The following GABBR2 variants were observed in gnomAD, a reference collection of about 807,000 sequenced individuals.
GABBR2 encodes gamma-aminobutyric acid type B receptor subunit 2.
In GABBR2, 23 loss-of-function variants were observed where a neutral mutation model predicts 105.6. The ratio of observed to expected loss-of-function variants is 0.22; its 90% CI spans 0.16 to 0.31. The LOEUF (loss-of-function observed/expected upper bound fraction) is 0.31. Among genes scored for constraint, GABBR2 ranks in the 10% least tolerant of loss-of-function variants. The pLI, the probability that GABBR2 is intolerant of heterozygous loss-of-function variation, is 1.00. For missense variants in GABBR2, 734 were observed against 1,245.5 expected, an observed-to-expected ratio of 0.59 and a Z score of 6.18; for synonymous variants, 478 against 499.7, an observed-to-expected ratio of 0.96 and a Z score of 0.58.
At chr9:98,399,958 C>T (rs2131517956) in intron 8 of GABBR2, among the ~76,000 whole-genome samples, 1 of 150,730 alleles carries the variant, frequency 6.6e-6, no homozygotes, top group African/African-American at 2.4e-5. Context: ...AGGAGGATCG[C>T]TTCAGGCCAC....
intron 1 of GABBR2, among the ~76,000 whole-genome samples, chr9:98,603,210 C>T (rs1829366570): frequency 6.6e-6 from 1 of 152,190 alleles, no homozygotes; most frequent in Non-Finnish European, 1.5e-5. Context: ...AAGGCATTCC[C>T]TGTTTCAGAA....
intron 1 of GABBR2, among the ~76,000 whole-genome samples, chr9:98,666,926 C>T (rs2131857834): frequency 6.6e-6 from 1 of 152,292 alleles, no homozygotes; most frequent in East Asian, 1.9e-4. Context: ...CAGGGCTGCT[C>T]TTAGGTGATG....
intron 7 of GABBR2, among the ~76,000 whole-genome samples, chr9:98,435,313 A>G (rs1300375651): frequency 6.6e-6 from 1 of 152,234 alleles, no homozygotes; most frequent in Non-Finnish European, 1.5e-5. Flanking sequence ...CTCACAGTAT[A>G]TATAACTTCA....
At chr9:98,636,910 G>C (rs867286206) in intron 1 of GABBR2, among the ~76,000 whole-genome samples, 2 of 152,266 alleles carry the variant, frequency 1.3e-5, no homozygotes, top group South Asian at 2.1e-4. Flanking sequence ...CATAAATGCA[G>C]AGTCCCGGGC....
At position 98,362,846 on chromosome 9, in the gene GABBR2, C is replaced by T. The variant is rs77949482; in HGVS notation, c.1771-9G>A. 3.2e-4 allele frequency: 498 copies of T among 1,562,574 alleles called. No individual in the cohort carries two copies. Among genetic ancestry groups the T allele is most frequent in the Non-Finnish European group, 4.0e-4 (464 of 1,156,720 alleles). On this transcript the variant is annotated splice_polypyrimidine_tract_variant and intron_variant, in intron 12 of 18. Coordinates refer to ENST00000259455, the MANE Select transcript of GABBR2 (RefSeq NM_005458.8). ...TTCTGGTCCTTGATGATCTACAGAG[C>T]GGGAAGGAGCAGAGGGGAGCCGATG...
At chr9:98,610,210 C>T (rs72743821) in intron 1 of GABBR2, among the ~76,000 whole-genome samples, 8,219 of 152,314 alleles carry the variant, frequency 0.054, 299 homozygotes, top group Non-Finnish European at 0.081. Context: ...GGTGGCGTGA[C>T]AGTGGGCCCA....
At chr9:98,556,406 G>A (rs1421920843) in intron 2 of GABBR2, among the ~76,000 whole-genome samples, 7 of 152,142 alleles carry the variant, frequency 4.6e-5, no homozygotes, top group Non-Finnish European at 8.8e-5. Context: ...GCTTTCCACA[G>A]GCAAGAAAGT....
chr9:98,356,358 G>A (rs958045145), intron 13 of GABBR2, among the ~76,000 whole-genome samples: 3 of 152,126 alleles, frequency 2.0e-5, no homozygotes, highest in African/African-American at 4.8e-5. Context: ...TTTAAAAAGT[G>A]CACAAAAGTT....
At chr9:98,667,992 C>A (rs746330764) in intron 1 of GABBR2, among the ~76,000 whole-genome samples, 2 of 152,220 alleles carry the variant, frequency 1.3e-5, no homozygotes, top group Non-Finnish European at 2.9e-5. Context: ...CAGTGACTGG[C>A]CGATGCAGGA....
intron 1 of GABBR2, among the ~76,000 whole-genome samples, chr9:98,659,504 C>CAT: frequency 9.1e-6 from 1 of 109,612 alleles, no homozygotes; most frequent in Non-Finnish European, 1.7e-5. Context: ...TTTAAACAAC[C>CAT]TTTTTTCTTT....
intron 2 of GABBR2, chr9:98,551,974 G>T (rs1828495151): frequency 6.6e-6 from 1 of 152,328 alleles, no homozygotes; most frequent in East Asian, 1.9e-4. Flanking sequence ...TTGGTCTTGT[G>T]TGGGTGTGTG....
intron 1 of GABBR2, among the ~76,000 whole-genome samples, chr9:98,684,898 A>G (rs1402132055): frequency 6.6e-6 from 1 of 152,152 alleles, no homozygotes; most frequent in Non-Finnish European, 1.5e-5. Flanking sequence ...CCTCCTCCCA[A>G]AACTGCCCTG....
Position 98,298,494 on chromosome 9 carries a change from C to A in GABBR2, c.2542+730G>T, listed in dbSNP as rs1377055898. On this transcript the variant is annotated intron_variant, in intron 17 of 18. Transcript: ENST00000259455. ...CCAGGTCAAGAGGTTTAACATGGAGCATTTAGACAGTGCTAGACTGACTTC... is the reference window on the plus strand; with the variant it reads ...CCAGGTCAAGAGGTTTAACATGGAGAATTTAGACAGTGCTAGACTGACTTC... Among the ~76,000 whole-genome samples the A allele has an allele frequency of 2.0e-5, 3 of 152,204 alleles. No homozygotes were observed. In the East Asian group the frequency reaches 5.8e-4, roughly 29 times the overall value.
At chr9:98,505,841 A>G (rs1827499343) in intron 3 of GABBR2, among the ~76,000 whole-genome samples, 1 of 152,170 alleles carries the variant, frequency 6.6e-6, no homozygotes, top group Admixed American at 6.5e-5. Flanking sequence ...TGACACCTTC[A>G]TTTAGGACCT....
chr9:98,610,123 C>T (rs1023209), intron 1 of GABBR2, among the ~76,000 whole-genome samples: 6,762 of 152,302 alleles, frequency 0.044, 660 homozygotes, highest in East Asian at 0.43. Context: ...CCATCCGCCC[C>T]GCCTAGGAGG....
chr9:98,377,724 G>A (rs935520561), intron 11 of GABBR2, among the ~76,000 whole-genome samples: 3 of 152,122 alleles, frequency 2.0e-5, no homozygotes, highest in African/African-American at 7.2e-5. Context: ...ATTGGCTCAG[G>A]AGTCTGGGGA....
intron 2 of GABBR2, among the ~76,000 whole-genome samples, chr9:98,556,730 C>G (rs998695194): frequency 6.6e-6 from 1 of 152,206 alleles, no homozygotes; most frequent in Non-Finnish European, 1.5e-5. Context: ...CCTGCCCTGA[C>G]TAACTCTCCA....
chr9:98,674,107 AG>A (rs199634662), intron 1 of GABBR2, among the ~76,000 whole-genome samples: 2,571 of 152,202 alleles, frequency 0.017, 40 homozygotes, highest in Middle Eastern at 0.044. Context: ...GAGAGGGAAC[AG>A]GGGGTTTTTA....
chr9:98,529,471 T>C (rs536107029), intron 3 of GABBR2, among the ~76,000 whole-genome samples: 14 of 152,374 alleles, frequency 9.2e-5, no homozygotes, highest in Non-Finnish European at 1.3e-4. Flanking sequence ...CATTCATTTA[T>C]GTGCATTGAA....
Sources: gnomAD v4.1 joint callset for allele counts (sites outside exome capture counted in the v4.1 genomes callset) on GRCh38, gnomAD v4.1.1 for gene constraint, MANE v1.5 for transcripts, NCBI Gene and HGNC (gene_info 2026-07-23, HGNC 2026-07-21) for gene names.